The following HS6ST3 variants were observed in gnomAD, a reference collection of about 807,000 sequenced individuals.
The protein encoded by HS6ST3 is heparan-sulfate 6-O-sulfotransferase 3.
Under a neutral mutation model 36.7 loss-of-function variants are expected in HS6ST3, and 12 were observed. The observed-to-expected ratio is 0.33, with a 90% confidence interval of 0.21 to 0.53. HS6ST3 has a LOEUF of 0.53. HS6ST3 is among the 20% of genes least tolerant of loss of function. HS6ST3 has a pLI of 0.95. For missense variants in HS6ST3, 584 were observed against 640.9 expected (o/e 0.91, Z 0.96); for synonymous variants, 240 against 257.5 (o/e 0.93, Z 0.65).
intron 1 of HS6ST3, among the ~76,000 whole-genome samples, chr13:96,361,970 CA>C (rs1373718581): frequency 6.6e-6 from 1 of 152,172 alleles, no homozygotes; most frequent in African/African-American, 2.4e-5. Flanking sequence ...GCAAATCAAT[CA>C]GAAACTCTGG....
chr13:96,160,927 T>C (rs905273950), intron 1 of HS6ST3, among the ~76,000 whole-genome samples: 2 of 152,182 alleles, frequency 1.3e-5, no homozygotes, highest in Non-Finnish European at 2.9e-5. Context: ...AGGCTCAAAA[T>C]TTGAAGAGGT....
intron 1 of HS6ST3, among the ~76,000 whole-genome samples, chr13:96,302,329 T>C (rs1845954958): frequency 6.6e-6 from 1 of 152,168 alleles, no homozygotes; most frequent in African/African-American, 2.4e-5. Context: ...AAAATTGTAT[T>C]AAGGGACTGA....
At chr13:96,311,137 A>G (rs184857604) in intron 1 of HS6ST3, among the ~76,000 whole-genome samples, 26 of 152,354 alleles carry the variant, frequency 1.7e-4, no homozygotes, top group African/African-American at 6.0e-4. Flanking sequence ...AAATACCACC[A>G]TGCTATGTAC....
chr13:96,705,483 A>G (rs2138456183), intron 1 of HS6ST3, among the ~76,000 whole-genome samples: 1 of 152,254 alleles, frequency 6.6e-6, no homozygotes, highest in Non-Finnish European at 1.5e-5. Context: ...GGAAATCAGA[A>G]ATTACATATG....
chr13:96,449,919 C>A (rs988676060), intron 1 of HS6ST3, among the ~76,000 whole-genome samples: 1 of 152,100 alleles, frequency 6.6e-6, no homozygotes, highest in African/African-American at 2.4e-5. Flanking sequence ...AGGTGGTGTG[C>A]ATTACGTTAT....
chr13:96,763,958 TGTG>T (rs1877032798), intron 1 of HS6ST3, among the ~76,000 whole-genome samples: 2 of 152,302 alleles, frequency 1.3e-5, no homozygotes, highest in African/African-American at 2.4e-5. Flanking sequence ...CAAAGGAAAA[TGTG>T]GTGTGCAGAA....
chr13:96,681,175 C>T (rs1242960774), intron 1 of HS6ST3, among the ~76,000 whole-genome samples: 2 of 152,108 alleles, frequency 1.3e-5, no homozygotes, highest in African/African-American at 2.4e-5. Context: ...TAGTTTGATA[C>T]ATAAATATTG....
chr13:96,489,178 C>T (rs527855453), intron 1 of HS6ST3, among the ~76,000 whole-genome samples: 1 of 151,838 alleles, frequency 6.6e-6, no homozygotes, highest in Non-Finnish European at 1.5e-5. Flanking sequence ...AGTTTTCATC[C>T]CTCCAAAAAG....
At chr13:96,499,774 A>G (rs1434780669) in intron 1 of HS6ST3, among the ~76,000 whole-genome samples, 1 of 152,156 alleles carries the variant, frequency 6.6e-6, no homozygotes, top group Non-Finnish European at 1.5e-5. Context: ...AAGGAGAAGC[A>G]GAGGGAGATG....
chr13:96,200,402 G>T (rs974451377), intron 1 of HS6ST3, among the ~76,000 whole-genome samples: 1 of 152,094 alleles, frequency 6.6e-6, no homozygotes, highest in African/African-American at 2.4e-5. Context: ...CTTTGCACTG[G>T]CAGTTCCCTC....
intron 1 of HS6ST3, among the ~76,000 whole-genome samples, chr13:96,421,160 A>T (rs1379111127): frequency 6.6e-6 from 1 of 152,210 alleles, no homozygotes; most frequent in Non-Finnish European, 1.5e-5. Flanking sequence ...CAAATGATAA[A>T]TATTCAATAT....
At chr13:96,828,292 A>G (rs1878692996) in intron 1 of HS6ST3, among the ~76,000 whole-genome samples, 1 of 152,234 alleles carries the variant, frequency 6.6e-6, no homozygotes, top group Non-Finnish European at 1.5e-5. Flanking sequence ...TAGACAGTCA[A>G]GATAACAGAA....
intron 1 of HS6ST3, among the ~76,000 whole-genome samples, chr13:96,813,666 C>T (rs573220250): frequency 6.6e-6 from 1 of 152,328 alleles, no homozygotes; most frequent in Non-Finnish European, 1.5e-5. Context: ...GGCTTTTGAA[C>T]ATTCACATCT....
At chr13:96,437,789 A>G (rs530182083) in intron 1 of HS6ST3, among the ~76,000 whole-genome samples, 2 of 152,376 alleles carry the variant, frequency 1.3e-5, no homozygotes, top group South Asian at 2.1e-4. Context: ...TTGACAGTTC[A>G]ATACATCTGA....
chr13:96,646,098 T>A (rs2056587648), intron 1 of HS6ST3, among the ~76,000 whole-genome samples: 1 of 151,940 alleles, frequency 6.6e-6, no homozygotes, highest in African/African-American at 2.4e-5. Flanking sequence ...GGACCAGTAA[T>A]AAAAGCCTCC....
intron 1 of HS6ST3, among the ~76,000 whole-genome samples, chr13:96,688,075 A>C (rs1874834780): frequency 3.6e-4 from 1 of 2,794 alleles, no homozygotes; most frequent in African/African-American, 8.1e-4. Flanking sequence ...CTGTCATGGA[A>C]TGGGGGGGGG....
chr13:96,437,154 A>G (rs2055647016), intron 1 of HS6ST3, among the ~76,000 whole-genome samples: 1 of 152,138 alleles, frequency 6.6e-6, no homozygotes, highest in African/African-American at 2.4e-5. Context: ...CTAAGTTTTG[A>G]TCTTTGAGTT....
rs914465945 is a variant in HS6ST3, at chr13:96,507,225, A to G, written c.708-325265A>G. Among the ~76,000 whole-genome samples the G allele has an allele frequency of 2.0e-5, 3 of 152,158 alleles. No individual in the cohort carries two copies. The East Asian group carries it at 5.8e-4, about 29-fold the overall frequency. Reference sequence around the variant, plus strand: ...GAGAATTCTGCTGGCAATTTGGTGCATCCACTATAGACACTGTTTTGGTCA... The same window carrying G: ...GAGAATTCTGCTGGCAATTTGGTGCGTCCACTATAGACACTGTTTTGGTCA... On this transcript the variant is annotated intron_variant, in intron 1 of 1. Transcript: ENST00000376705.
intron 1 of HS6ST3, among the ~76,000 whole-genome samples, chr13:96,510,137 T>TTTTA (rs2138919245): frequency 8.5e-6 from 1 of 117,002 alleles, no homozygotes; most frequent in East Asian, 2.4e-4. Flanking sequence ...TTTTATTTTA[T>TTTTA]TTTATTTGCA....
Sources: gnomAD v4.1 joint callset for allele counts (sites outside exome capture counted in the v4.1 genomes callset) on GRCh38, gnomAD v4.1.1 for gene constraint, MANE v1.5 for transcripts, NCBI Gene and HGNC (gene_info 2026-07-23, HGNC 2026-07-21) for gene names.